PCDH15: variants seen among roughly 807,000 people sequenced by gnomAD.
PCDH15 encodes protocadherin related 15.
A neutral mutation model predicts 178.5 loss-of-function variants in PCDH15; 129 were observed. That is an observed-to-expected ratio of 0.72 (90% CI 0.63 to 0.84). PCDH15 has a LOEUF of 0.84. Among genes scored for constraint, PCDH15 ranks in the 40% least tolerant of loss-of-function variants. PCDH15 has a pLI of 0.00. For synonymous variants in PCDH15, 800 were observed against 732.0 expected, an observed-to-expected ratio of 1.09 and a Z score of -1.50; for missense variants, 2,230 against 2,099.9, an observed-to-expected ratio of 1.06 and a Z score of -1.21.
At chr10:53,919,300 G>T (rs1042948753) in intron 25 of PCDH15, among the ~76,000 whole-genome samples, 3 of 152,096 alleles carry the variant, frequency 2.0e-5, no homozygotes, top group African/African-American at 7.2e-5. Context: ...AAATTCGAAG[G>T]ATCTACTACA....
At chr10:54,238,524 T>A (rs538568816) in intron 8 of PCDH15, among the ~76,000 whole-genome samples, 1 of 152,050 alleles carries the variant, frequency 6.6e-6, no homozygotes, top group African/African-American at 2.4e-5. Flanking sequence ...AGCAACTTAC[T>A]AATACTCTAT....
chr10:54,745,286 A>T (rs1945304288), intron 1 of PCDH15, among the ~76,000 whole-genome samples: 1 of 151,928 alleles, frequency 6.6e-6, no homozygotes, highest in Non-Finnish European at 1.5e-5. Flanking sequence ...GCTCAGATGA[A>T]ATTTAGATTG....
intron 9 of PCDH15, among the ~76,000 whole-genome samples, chr10:54,230,682 A>T (rs1365550895): frequency 6.6e-6 from 1 of 152,180 alleles, no homozygotes; most frequent in Non-Finnish European, 1.5e-5. Flanking sequence ...TTCTGGCTCT[A>T]GTATCTCCAT....
chr10:54,952,689 T>C (rs1838375605), intron 2 of PCDH15, among the ~76,000 whole-genome samples: 2 of 151,782 alleles, frequency 1.3e-5, no homozygotes, highest in South Asian at 4.1e-4. Flanking sequence ...TTTGTAGTTT[T>C]CCTCATATAG....
chr10:54,388,752 T>G (rs1396772989), intron 3 of PCDH15, among the ~76,000 whole-genome samples: 1 of 152,136 alleles, frequency 6.6e-6, no homozygotes, highest in African/African-American at 2.4e-5. Flanking sequence ...CAGATAATGA[T>G]CAAAAGCATT....
At chr10:54,213,791 T>C in intron 10 of PCDH15, 145 bp downstream of exon 10, 1 of 567,378 alleles carries the variant, frequency 1.8e-6, no homozygotes, top group Non-Finnish European at 3.1e-6. Flanking sequence ...TGGGCTTCGC[T>C]TATTTTCTTT....
At chr10:54,621,857 G>C (rs572612455) in intron 2 of PCDH15, among the ~76,000 whole-genome samples, 1 of 152,050 alleles carries the variant, frequency 6.6e-6, no homozygotes, top group African/African-American at 2.4e-5. Context: ...AACGGTATTT[G>C]TCAGCGATGT....
At chr10:54,863,729 A>G (rs1387645935) in intron 3 of PCDH15, among the ~76,000 whole-genome samples, 1 of 152,164 alleles carries the variant, frequency 6.6e-6, no homozygotes, top group Non-Finnish European at 1.5e-5. Context: ...TATTTGTCAA[A>G]CTTCATTATT....
At chr10:54,344,904 C>CCAAA (rs58908008) in intron 6 of PCDH15, among the ~76,000 whole-genome samples, 107 of 78,862 alleles carry the variant, frequency 1.4e-3, no homozygotes, top group Middle Eastern at 8.3e-3. Context: ...AGAAACAAAG[C>CCAAA]AAAAAAAAAA....
intron 8 of PCDH15, among the ~76,000 whole-genome samples, chr10:54,300,748 G>A (rs1356384697): frequency 6.6e-6 from 1 of 152,108 alleles, no homozygotes; most frequent in Admixed American, 6.5e-5. Flanking sequence ...ACACCAATCA[G>A]CACTTGGTAA....
In PCDH15 at chr10:53,919,614, G is replaced by A. The variant is rs559609304; in HGVS notation, c.3374-16244C>T. On this transcript the variant is annotated intron_variant, in intron 25 of 37. Coordinates refer to ENST00000644397, the MANE Select transcript of PCDH15 (RefSeq NM_001384140.1). ...TCTAAAATTACTCAACTAGGAGAAG[G>A]CATAAATAAGATTCAGACTGAACCC... 4.1e-4 allele frequency among the ~76,000 whole-genome samples: 63 copies of A among 152,208 alleles called. 1 individual carries two copies. The highest frequency in any genetic ancestry group is 1.4e-3 in the Admixed American group (21 of 15,282).
chr10:53,840,448 T>C lies in PCDH15; in HGVS notation c.3855A>G (p.Val1285=). The part of the protein sequence containing the change: ...VQEQIPGAKV[V]VESIGARRHG... ...GCCGGCGAGCTCCAATGGACTCCAC[T>C]ACGACCTTGGCACCAGGAATTTGTT... is the stretch of plus-strand genomic sequence containing the variant. Residue 1285 remains valine (V), a synonymous_variant, in exon 29 of 38, where the codon GTA becomes GTG. Transcript: ENST00000644397. The C allele has an allele frequency of 1.2e-6, 2 of 1,614,110 alleles. No homozygotes were observed. Among genetic ancestry groups the C allele is most frequent in the African/African-American group, 1.3e-5 (1 of 75,042 alleles).
chr10:54,242,154 A>ATATG (rs2055424043), intron 8 of PCDH15, among the ~76,000 whole-genome samples: 3 of 92,562 alleles, frequency 3.2e-5, no homozygotes, highest in African/African-American at 9.9e-5. Flanking sequence ...ATATATATAT[A>ATATG]TATATATATA....
At chr10:53,957,735 A>C (rs2087772817) in intron 23 of PCDH15, among the ~76,000 whole-genome samples, 1 of 152,124 alleles carries the variant, frequency 6.6e-6, no homozygotes, top group South Asian at 2.1e-4. Context: ...AACTGTGAAA[A>C]ATGATACTGT....
intron 2 of PCDH15, among the ~76,000 whole-genome samples, chr10:55,358,707 T>A (rs1057495864): frequency 6.6e-6 from 1 of 152,116 alleles, no homozygotes; most frequent in Non-Finnish European, 1.5e-5. Context: ...TAATGACTAA[T>A]CTTTGCACAT....
At chr10:55,459,223 C>A (rs1839617719) in intron 2 of PCDH15, among the ~76,000 whole-genome samples, 1 of 59,124 alleles carries the variant, frequency 1.7e-5, no homozygotes. Flanking sequence ...AGCCGAGTGT[C>A]CTTGGAGGCA....
chr10:54,927,142 T>G (rs893785206), intron 2 of PCDH15, among the ~76,000 whole-genome samples: 23 of 152,242 alleles, frequency 1.5e-4, no homozygotes, highest in African/African-American at 5.5e-4. Flanking sequence ...TGTTGTATAC[T>G]TGTTCTGATT....
chr10:55,625,998 C>T (rs1837518454), intron 2 of PCDH15, among the ~76,000 whole-genome samples: 1 of 152,026 alleles, frequency 6.6e-6, no homozygotes, highest in Non-Finnish European at 1.5e-5. Context: ...ATAAACTATA[C>T]TGTCAGAGGA....
chr10:54,445,064 C>G (rs924984365), intron 3 of PCDH15, among the ~76,000 whole-genome samples: 3 of 151,172 alleles, frequency 2.0e-5, no homozygotes, highest in African/African-American at 7.3e-5. Flanking sequence ...CAATTGTCTA[C>G]TGCTTGTCCT....
Sources: gnomAD v4.1 joint callset for allele counts (sites outside exome capture counted in the v4.1 genomes callset) on GRCh38, gnomAD v4.1.1 for gene constraint, MANE v1.5 for transcripts, NCBI Gene and HGNC (gene_info 2026-07-23, HGNC 2026-07-21) for gene names.